The following MRPS27 variants were observed in gnomAD, a reference collection of about 807,000 sequenced individuals.
MRPS27 encodes mitochondrial ribosomal protein S27.
Under a neutral mutation model 48.9 loss-of-function variants are expected in MRPS27, and 43 were observed. The ratio of observed to expected loss-of-function variants is 0.88; its 90% CI spans 0.69 to 1.13. MRPS27 has a LOEUF of 1.13. Among genes scored for constraint, MRPS27 ranks in the 50% most tolerant of loss-of-function variants. The probability of loss-of-function intolerance (pLI) is 0.00; values close to 1 mark genes in which losing one functional copy is unlikely to be tolerated. For synonymous variants in MRPS27, 188 were observed against 171.9 expected, an observed-to-expected ratio of 1.09 and a Z score of -0.73; for missense variants, 467 against 476.3, an observed-to-expected ratio of 0.98 and a Z score of 0.18.
intron 4 of MRPS27, among the ~76,000 whole-genome samples, chr5:72,249,950 C>T (rs940718464): frequency 1.3e-5 from 2 of 152,126 alleles, no homozygotes; most frequent in Non-Finnish European, 2.9e-5. Context: ...CGCCACTGCA[C>T]TCCAGCCTGG....
intron 4 of MRPS27, among the ~76,000 whole-genome samples, chr5:72,254,087 C>T (rs1748733271): frequency 6.6e-6 from 1 of 152,160 alleles, no homozygotes; most frequent in Non-Finnish European, 1.5e-5. Flanking sequence ...CTTAATTTTT[C>T]CTGAGATTGA....
intron 9 of MRPS27, among the ~76,000 whole-genome samples, chr5:72,225,481 C>T (rs1181839074): frequency 4.6e-5 from 7 of 152,166 alleles, no homozygotes; most frequent in Non-Finnish European, 1.0e-4. Flanking sequence ...CAACCTCATA[C>T]CATCAAGGGT....
At chr5:72,295,236 A>G in intron 4 of MRPS27, 1 of 215,100 alleles carries the variant, frequency 4.6e-6, no homozygotes. Context: ...TATACTCATG[A>G]AAATTAGGTG....
chr5:72,239,106 A>C (rs1296937433), intron 4 of MRPS27, among the ~76,000 whole-genome samples: 1 of 152,174 alleles, frequency 6.6e-6, no homozygotes, highest in Admixed American at 6.5e-5. Flanking sequence ...GGGCTCCACA[A>C]AAATCAAACT....
chr5:72,227,263 C>G (rs2111939133), intron 8 of MRPS27: 1 of 152,216 alleles, frequency 6.6e-6, no homozygotes, highest in East Asian at 1.9e-4. Context: ...GTATGACAGT[C>G]CTGAATGCTG....
intron 4 of MRPS27, among the ~76,000 whole-genome samples, chr5:72,292,690 A>C (rs1749861994): frequency 6.6e-6 from 1 of 152,194 alleles, no homozygotes; most frequent in Non-Finnish European, 1.5e-5. Context: ...TCTAGACTTT[A>C]CATAATAATT....
chr5:72,308,019 C>G (rs1253326845), intron 2 of MRPS27: 2 of 152,364 alleles, frequency 1.3e-5, no homozygotes, highest in Admixed American at 1.3e-4. Context: ...CACGGTGGAA[C>G]TGGCAGCGGC....
chr5:72,225,442 A>G (rs1747866068), intron 9 of MRPS27, among the ~76,000 whole-genome samples: 1 of 152,340 alleles, frequency 6.6e-6, no homozygotes, highest in African/African-American at 2.4e-5. Flanking sequence ...TGTGGGGTGT[A>G]AGGCGCATCA....
At chr5:72,298,803 C>T (rs1039226361) in intron 2 of MRPS27, among the ~76,000 whole-genome samples, 3 of 151,104 alleles carry the variant, frequency 2.0e-5, no homozygotes, top group Non-Finnish European at 4.4e-5. Flanking sequence ...ATAAAACATT[C>T]TACCAAAAAG....
chr5:72,295,509 C>T, intron 4 of MRPS27, 22 bp downstream of exon 4: 1 of 1,583,060 alleles, frequency 6.3e-7, no homozygotes, highest in South Asian at 1.1e-5. Flanking sequence ...GAGTACATAG[C>T]CAAATCAAAT....
intron 1 of MRPS27, among the ~76,000 whole-genome samples, chr5:72,318,839 C>T (rs1750645262): frequency 6.6e-6 from 1 of 151,128 alleles, no homozygotes; most frequent in Non-Finnish European, 1.5e-5. Flanking sequence ...GACAGGTCTC[C>T]CAAAATGCCC....
At position 72,238,001 on chromosome 5, in the gene MRPS27, C is replaced by T. The variant is rs149478892; in HGVS notation, c.396+13G>A. 1,143 of 1,583,938 alleles carry T rather than the reference C, an allele frequency of 7.2e-4. 4 individuals carry two copies. In the African/African-American group the frequency reaches 7.7e-3, roughly 11 times the overall value. On this transcript the variant is annotated intron_variant, in intron 5 of 10. Coordinates refer to ENST00000261413, the MANE Select transcript of MRPS27 (RefSeq NM_015084.3). ...CTCAGGAAAACAGGCTGCAGATCCA[C>T]GGAACAACTCACCTTATTTACAAGG...
intron 3 of MRPS27, 127 bp from the exon 4 acceptor site, chr5:72,295,716 T>TGTTCCACTAAGCATC: frequency 1.5e-6 from 1 of 674,174 alleles, no homozygotes; most frequent in South Asian, 1.8e-5. Context: ...TGGTGATGCT[T>TGTTCCACTAAGCATC]AGTGGAACAA....
chr5:72,237,757 C>T (rs902018821), intron 5 of MRPS27, among the ~76,000 whole-genome samples: 1 of 152,016 alleles, frequency 6.6e-6, no homozygotes, highest in African/African-American at 2.4e-5. Context: ...GAAATGACCA[C>T]CACTGCAGAG....
intron 4 of MRPS27, among the ~76,000 whole-genome samples, chr5:72,280,676 A>G (rs1749511812): frequency 6.6e-6 from 1 of 152,228 alleles, no homozygotes; most frequent in African/African-American, 2.4e-5. Flanking sequence ...AATCTCTGGA[A>G]GCAGTTCCAC....
At chr5:72,243,716 T>G (rs773066672) in intron 4 of MRPS27, among the ~76,000 whole-genome samples, 2 of 152,226 alleles carry the variant, frequency 1.3e-5, no homozygotes, top group Admixed American at 6.5e-5. Flanking sequence ...GCTTGAATAT[T>G]TCCAACGAAT....
chr5:72,261,348 T>C (rs1748968892), intron 4 of MRPS27, among the ~76,000 whole-genome samples: 1 of 152,046 alleles, frequency 6.6e-6, no homozygotes, highest in Admixed American at 6.5e-5. Context: ...GCCTCCTGGG[T>C]TCAAGCAATT....
intron 2 of MRPS27, among the ~76,000 whole-genome samples, chr5:72,309,983 T>C (rs1244603344): frequency 6.6e-6 from 1 of 152,196 alleles, no homozygotes; most frequent in African/African-American, 2.4e-5. Context: ...ATGCTGAGAC[T>C]GTCCCGTACA....
In MRPS27 at chr5:72,246,928, C is replaced by T. The variant is rs79605194; in HGVS notation, c.282-8800G>A. On this transcript the variant is annotated intron_variant, in intron 4 of 10. Coordinates refer to ENST00000261413, the MANE Select transcript of MRPS27 (RefSeq NM_015084.3). The stretch of plus-strand genomic sequence containing the variant: ...GTGGTTTCACAAAGGTCTCTAACAG[C>T]GAAAAATAAACATCTCTTCTAAATT... Among the ~76,000 whole-genome samples, 569 of 152,164 alleles carry T rather than the reference C, an allele frequency of 3.7e-3. 1 individual carries two copies. Among genetic ancestry groups the T allele is most frequent in the African/African-American group, 0.013 (553 of 41,486 alleles).
Sources: gnomAD v4.1 joint callset for allele counts (sites outside exome capture counted in the v4.1 genomes callset) on GRCh38, gnomAD v4.1.1 for gene constraint, MANE v1.5 for transcripts, NCBI Gene and HGNC (gene_info 2026-07-23, HGNC 2026-07-21) for gene names.